Variants in UBR3 observed in about 807,000 individuals in gnomAD.
The protein encoded by UBR3 is ubiquitin protein ligase E3 component n-recognin 3, also known as E3 ubiquitin-protein ligase UBR3.
UBR3 carries 85 observed loss-of-function variants against 243.2 expected under a neutral mutation model. The ratio of observed to expected loss-of-function variants is 0.35; its 90% CI spans 0.29 to 0.42. The LOEUF is 0.42. Among genes scored for constraint, UBR3 ranks in the 10% least tolerant of loss-of-function variants. The probability of loss-of-function intolerance (pLI) is 1.00; values close to 1 mark genes in which losing one functional copy is unlikely to be tolerated. For synonymous variants in UBR3, 748 were observed against 799.8 expected (o/e 0.94, Z 1.09); for missense variants, 1,686 against 2,300.8 (o/e 0.73, Z 5.47).
intron 27 of UBR3, among the ~76,000 whole-genome samples, chr2:170,004,775 G>A (rs2089847621): frequency 6.6e-6 from 1 of 152,134 alleles, no homozygotes; most frequent in Admixed American, 6.5e-5. Flanking sequence ...GCTGGGTGTG[G>A]TGGCGAGTGC....
chr2:169,926,951 T>C lies in UBR3; in HGVS notation c.2318T>C (p.Leu773Ser). ...GCTCTTACATTTCTTGTGATTCTTT[T>C]GAGTCTTCGTTTACATTTAGGTAAA... ...EGALTFLVIL[L>S]SLRLHLGMSD... The change falls in exon 16 of 39, where the codon TTG (leucine) becomes TCG (serine). Residue 773 changes from leucine (L) to serine (S), a missense_variant. Physicochemically the swap from Leu to Ser is moderately radical, Grantham distance 145. This residue lies in a region of UBR3 where 346 missense variants were observed against 585.8 expected (regional missense o/e 0.59). Coordinates refer to ENST00000272793, the MANE Select transcript of UBR3 (RefSeq NM_172070.4). 6.4e-7 allele frequency: 1 copy of C among 1,550,922 alleles called. No individual in the cohort carries two copies. The highest frequency in any genetic ancestry group is 8.7e-7 in the Non-Finnish European group (1 of 1,146,480).
chr2:169,970,235 G>GTTTTTT (rs531832498), intron 24 of UBR3, among the ~76,000 whole-genome samples: 3 of 85,594 alleles, frequency 3.5e-5, no homozygotes, highest in African/African-American at 4.8e-5. Flanking sequence ...TTGTTCCTAG[G>GTTTTTT]TTTTTTTTTT....
intron 4 of UBR3, among the ~76,000 whole-genome samples, chr2:169,878,132 G>A (rs2083683945): frequency 6.6e-6 from 1 of 152,166 alleles, no homozygotes; most frequent in Admixed American, 6.5e-5. Context: ...AGGCCGAGGT[G>A]GGTGGATCAC....
intron 24 of UBR3, among the ~76,000 whole-genome samples, chr2:169,984,263 A>G (rs1484339820): frequency 1.3e-5 from 2 of 152,204 alleles, no homozygotes; most frequent in Non-Finnish European, 1.5e-5. Flanking sequence ...TTATTGAAAT[A>G]TACTCATAAT....
intron 19 of UBR3, among the ~76,000 whole-genome samples, chr2:169,941,299 C>T (rs2086576382): frequency 6.6e-6 from 1 of 152,146 alleles, no homozygotes; most frequent in Non-Finnish European, 1.5e-5. Flanking sequence ...TATCCAAACC[C>T]TATATATACT....
intron 2 of UBR3, 66 bp from the exon 3 acceptor site, chr2:169,875,725 T>A: frequency 7.6e-7 from 1 of 1,322,684 alleles, no homozygotes; most frequent in Non-Finnish European, 1.0e-6. Context: ...ATAAATACTG[T>A]TATTTTTAGT....
intron 5 of UBR3, among the ~76,000 whole-genome samples, chr2:169,879,017 A>G (rs1433733519): frequency 2.0e-5 from 3 of 152,094 alleles, no homozygotes; most frequent in Non-Finnish European, 4.4e-5. Context: ...TACATTTTAC[A>G]TGTCAGGGAT....
intron 5 of UBR3, among the ~76,000 whole-genome samples, chr2:169,886,114 G>T (rs181256081): frequency 6.8e-6 from 1 of 146,692 alleles, no homozygotes; most frequent in Non-Finnish European, 1.5e-5. Context: ...CCGAGATCGC[G>T]CCACTGCACC....
At chr2:169,846,521 C>CCAA (rs1380431082) in intron 1 of UBR3, among the ~76,000 whole-genome samples, 1 of 152,026 alleles carries the variant, frequency 6.6e-6, no homozygotes, top group Non-Finnish European at 1.5e-5. Context: ...ACCAGCCTGA[C>CCAA]CAACGTGGTG....
chr2:170,055,206 A>G (rs1418054061), intron 32 of UBR3, among the ~76,000 whole-genome samples: 1 of 152,092 alleles, frequency 6.6e-6, no homozygotes, highest in Non-Finnish European at 1.5e-5. Flanking sequence ...GGGGCAGATT[A>G]CAGGCTGAGA....
At chr2:170,042,601 A>T (rs2090994788) in intron 32 of UBR3, among the ~76,000 whole-genome samples, 1 of 147,362 alleles carries the variant, frequency 6.8e-6, no homozygotes, top group African/African-American at 2.5e-5. Context: ...AGGCATGAGA[A>T]CCACTTGAGC....
intron 5 of UBR3, among the ~76,000 whole-genome samples, chr2:169,889,795 G>C (rs1188303005): frequency 6.6e-6 from 1 of 152,140 alleles, no homozygotes; most frequent in African/African-American, 2.4e-5. Flanking sequence ...CCAAGTTAAG[G>C]CTATTATTTA....
intron 24 of UBR3, among the ~76,000 whole-genome samples, chr2:169,968,269 G>A (rs59929191): frequency 0.054 from 8,211 of 151,884 alleles, 399 homozygotes; most frequent in African/African-American, 0.13. Flanking sequence ...GTTAACTATC[G>A]TTACCCAACT....
rs571919504 is a variant in UBR3, at chr2:169,884,838, A to G, written c.1038+6264A>G. On this transcript the variant is annotated intron_variant, in intron 5 of 38. Coordinates refer to ENST00000272793, the MANE Select transcript of UBR3 (RefSeq NM_172070.4). ...TTTGCTTTTACTTTTGTTCTTCTCA[A>G]AGTATTTTTTAACATATATTAAAAT... is the stretch of plus-strand genomic sequence containing the variant. Among the ~76,000 whole-genome samples the G allele has an allele frequency of 2.6e-5, 4 of 152,310 alleles. No homozygotes were observed. The East Asian group carries it at 7.7e-4, about 29-fold the overall frequency.
chr2:169,856,164 C>T (rs1574055819), intron 1 of UBR3, among the ~76,000 whole-genome samples: 2 of 151,240 alleles, frequency 1.3e-5, no homozygotes, highest in East Asian at 2.0e-4. Flanking sequence ...GGGGTGGCGG[C>T]GGGGCAGAGA....
chr2:169,881,977 T>TATATATATATATATATATATACATA (rs2083879021), intron 5 of UBR3, among the ~76,000 whole-genome samples: 1 of 61,272 alleles, frequency 1.6e-5, no homozygotes, highest in Non-Finnish European at 4.7e-5. Flanking sequence ...TGTAATTATA[T>TATATATATATATATATATATACATA]TATATATGTA....
intron 1 of UBR3, among the ~76,000 whole-genome samples, chr2:169,842,917 C>T (rs937465573): frequency 6.6e-6 from 1 of 152,230 alleles, no homozygotes; most frequent in Non-Finnish European, 1.5e-5. Context: ...GGTCTTTCCT[C>T]CAGTTTCTGA....
At chr2:170,005,434 A>G (rs2089879273) in intron 27 of UBR3, among the ~76,000 whole-genome samples, 1 of 152,126 alleles carries the variant, frequency 6.6e-6, no homozygotes, top group Admixed American at 6.6e-5. Flanking sequence ...ATTTAATATG[A>G]AGGCTTTGTT....
At chr2:169,939,257 A>T (rs1415457234) in intron 19 of UBR3, among the ~76,000 whole-genome samples, 3 of 147,332 alleles carry the variant, frequency 2.0e-5, no homozygotes, top group Non-Finnish European at 4.5e-5. Context: ...TCTATTACTT[A>T]TTAACTTTTT....
Sources: gnomAD v4.1 joint callset for allele counts (sites outside exome capture counted in the v4.1 genomes callset) on GRCh38, gnomAD v4.1.1 for gene constraint, gnomAD v4.1.1 regional missense constraint, MANE v1.5 for transcripts, NCBI Gene and HGNC (gene_info 2026-07-23, HGNC 2026-07-21) for gene names.